IMMP2L: variants seen among roughly 807,000 people sequenced by gnomAD.
IMMP2L encodes the protein inner mitochondrial membrane peptidase subunit 2.
In IMMP2L, 18 loss-of-function variants were observed where a neutral mutation model predicts 19.3. The observed-to-expected ratio is 0.93, with a 90% CI of 0.64 to 1.38. The LOEUF (loss-of-function observed/expected upper bound fraction) is 1.38. Ranked by LOEUF, IMMP2L falls within the 40% of genes most tolerant of loss-of-function variation. The pLI, the probability that IMMP2L is intolerant of heterozygous loss-of-function variation, is 0.00. For missense variants in IMMP2L, 233 were observed against 218.2 expected (o/e 1.07, Z -0.43); for synonymous variants, 76 against 73.0 (o/e 1.04, Z -0.21).
At chr7:111,548,257 AGTTT>A (rs1016204622) in intron 1 of IMMP2L, among the ~76,000 whole-genome samples, 3 of 152,150 alleles carry the variant, frequency 2.0e-5, no homozygotes, top group African/African-American at 7.2e-5. Flanking sequence ...CAAAAAATAA[AGTTT>A]GTTTGACTGC....
At chr7:111,164,462 C>G (rs1805613913) in intron 3 of IMMP2L, among the ~76,000 whole-genome samples, 1 of 152,004 alleles carries the variant, frequency 6.6e-6, no homozygotes, top group Non-Finnish European at 1.5e-5. Context: ...TGAGGAAGCA[C>G]TGGGTCACTA....
intron 3 of IMMP2L, among the ~76,000 whole-genome samples, chr7:111,436,211 TTAAAA>T (rs1269554673): frequency 6.6e-6 from 1 of 151,546 alleles, no homozygotes; most frequent in Non-Finnish European, 1.5e-5. Flanking sequence ...GCAAAAAATA[TTAAAA>T]TAAAGGATTT....
chr7:111,066,565 C>G (rs1024753044), intron 3 of IMMP2L, among the ~76,000 whole-genome samples: 1 of 152,154 alleles, frequency 6.6e-6, no homozygotes, highest in Non-Finnish European at 1.5e-5. Flanking sequence ...CATTGGTTAT[C>G]TCTTAATGTT....
intron 1 of IMMP2L, among the ~76,000 whole-genome samples, chr7:111,543,191 C>T (rs1192386638): frequency 3.9e-5 from 6 of 152,100 alleles, no homozygotes; most frequent in Non-Finnish European, 7.4e-5. Context: ...AAAGCAAATA[C>T]AGAATAAAGT....
intron 2 of IMMP2L, among the ~76,000 whole-genome samples, chr7:111,511,365 T>C (rs1419079622): frequency 6.6e-6 from 1 of 152,032 alleles, no homozygotes; most frequent in Non-Finnish European, 1.5e-5. Context: ...AAAAAGGGCC[T>C]GAAGACGTGG....
intron 5 of IMMP2L, among the ~76,000 whole-genome samples, chr7:110,857,337 C>T (rs1806900786): frequency 6.6e-6 from 1 of 152,008 alleles, no homozygotes; most frequent in African/African-American, 2.4e-5. Flanking sequence ...AAAAGTCCTA[C>T]CAATTGTGTG....
chr7:111,166,286 A>T (rs1805805337), intron 3 of IMMP2L, among the ~76,000 whole-genome samples: 1 of 152,012 alleles, frequency 6.6e-6, no homozygotes, highest in African/African-American at 2.4e-5. Context: ...GACAATCAAA[A>T]TCTAGTCCTT....
intron 3 of IMMP2L, among the ~76,000 whole-genome samples, chr7:111,117,029 T>C (rs527951520): frequency 1.3e-5 from 2 of 152,262 alleles, no homozygotes; most frequent in East Asian, 3.9e-4. Context: ...AGTAACTCTC[T>C]AGTTTGTTTA....
intron 3 of IMMP2L, among the ~76,000 whole-genome samples, chr7:111,418,383 T>C (rs1835148227): frequency 6.6e-6 from 1 of 151,834 alleles, no homozygotes; most frequent in South Asian, 2.1e-4. Flanking sequence ...ATGTATTCCT[T>C]TCTTCATCCT....
chr7:110,993,339 G>T (rs557824133), intron 3 of IMMP2L, among the ~76,000 whole-genome samples: 17 of 152,202 alleles, frequency 1.1e-4, no homozygotes, highest in African/African-American at 3.9e-4. Context: ...CTCTAAACAG[G>T]TCTCACAGAA....
At chr7:110,856,499 A>T (rs1042091170) in intron 5 of IMMP2L, among the ~76,000 whole-genome samples, 3 of 152,060 alleles carry the variant, frequency 2.0e-5, no homozygotes, top group Non-Finnish European at 4.4e-5. Flanking sequence ...ATGTATAATG[A>T]AAGTGACATT....
intron 3 of IMMP2L, among the ~76,000 whole-genome samples, chr7:111,357,048 A>G (rs1286045684): frequency 2.0e-5 from 3 of 152,138 alleles, no homozygotes; most frequent in Non-Finnish European, 4.4e-5. Flanking sequence ...TATGCAAGCT[A>G]CAAGATTACT....
chr7:111,240,872 A>G (rs1814935811), intron 3 of IMMP2L, among the ~76,000 whole-genome samples: 1 of 151,910 alleles, frequency 6.6e-6, no homozygotes, highest in Non-Finnish European at 1.5e-5. Flanking sequence ...GATTTTTTTA[A>G]CATCACACTA....
At chr7:110,849,694 G>A (rs1373573650) in intron 5 of IMMP2L, among the ~76,000 whole-genome samples, 1 of 152,052 alleles carries the variant, frequency 6.6e-6, no homozygotes, top group Non-Finnish European at 1.5e-5. Context: ...ACCTTACACT[G>A]CCATTGGGAT....
At chr7:110,808,999 T>C (rs999526663) in intron 5 of IMMP2L, among the ~76,000 whole-genome samples, 1 of 151,972 alleles carries the variant, frequency 6.6e-6, no homozygotes, top group Non-Finnish European at 1.5e-5. Flanking sequence ...TACTTGAAAA[T>C]CACCGTTAAC....
At chr7:110,722,690 C>A (rs1031369705) in intron 5 of IMMP2L, among the ~76,000 whole-genome samples, 1 of 152,000 alleles carries the variant, frequency 6.6e-6, no homozygotes, top group African/African-American at 2.4e-5. Flanking sequence ...AAATGACATC[C>A]TTGAAACATA....
At chr7:110,789,686 C>T (rs994142308) in intron 5 of IMMP2L, among the ~76,000 whole-genome samples, 1 of 151,656 alleles carries the variant, frequency 6.6e-6, no homozygotes, top group Non-Finnish European at 1.5e-5. Flanking sequence ...GAAGGCCCTT[C>T]ATCCTCTGAG....
chr7:111,353,024 C>G (rs546100683), intron 3 of IMMP2L, among the ~76,000 whole-genome samples: 15 of 152,154 alleles, frequency 9.9e-5, no homozygotes, highest in Non-Finnish European at 2.1e-4. Context: ...ACAGACTTCT[C>G]TCATATAGTT....
chr7:111,031,821 T>C (rs1437888295), intron 3 of IMMP2L, among the ~76,000 whole-genome samples: 1 of 151,972 alleles, frequency 6.6e-6, no homozygotes, highest in Non-Finnish European at 1.5e-5. Flanking sequence ...ATCAAGGTGA[T>C]AAATCATGTT....
Sources: gnomAD v4.1 joint callset for allele counts (sites outside exome capture counted in the v4.1 genomes callset) on GRCh38, gnomAD v4.1.1 for gene constraint, MANE v1.5 for transcripts, NCBI Gene and HGNC (gene_info 2026-07-23, HGNC 2026-07-21) for gene names.